The following ATP13A4 variants were observed in gnomAD, a reference collection of about 807,000 sequenced individuals.
ATP13A4 encodes the protein probable cation-transporting ATPase 13A4.
A neutral mutation model predicts 142.5 loss-of-function variants in ATP13A4; 114 were observed. The observed-to-expected ratio is 0.80, with a 90% CI of 0.69 to 0.93. The LOEUF (loss-of-function observed/expected upper bound fraction) is 0.93, where lower values mean the gene tolerates loss of function less well. Among genes scored for constraint, ATP13A4 ranks in the 40% least tolerant of loss-of-function variants. The pLI is 0.00. For missense variants in ATP13A4, 1,392 were observed against 1,454.0 expected (o/e 0.96, Z 0.69); for synonymous variants, 488 against 514.8 (o/e 0.95, Z 0.70).
chr3:193,551,468 T>C (rs1416940298), intron 1 of ATP13A4, among the ~76,000 whole-genome samples: 1 of 152,108 alleles, frequency 6.6e-6, no homozygotes, highest in Non-Finnish European at 1.5e-5. Context: ...TGGCAAGAGA[T>C]GACCTCATTT....
At chr3:193,495,709 A>G (rs951283063) in intron 3 of ATP13A4, among the ~76,000 whole-genome samples, 2 of 152,182 alleles carry the variant, frequency 1.3e-5, no homozygotes, top group African/African-American at 2.4e-5. Context: ...TATTCAACAT[A>G]CTACGGGAAG....
chr3:193,527,021 A>G (rs1289777264), intron 1 of ATP13A4, among the ~76,000 whole-genome samples: 1 of 152,240 alleles, frequency 6.6e-6, no homozygotes, highest in East Asian at 1.9e-4. Flanking sequence ...TGTTGGTCAT[A>G]TGAGTCCTTG....
At chr3:193,576,079 T>G (rs1227930658) in intron 2 of ATP13A4, among the ~76,000 whole-genome samples, 1 of 151,966 alleles carries the variant, frequency 6.6e-6, no homozygotes, top group African/African-American at 2.4e-5. Context: ...AAGGAAGAAT[T>G]TTCCAGCCTA....
intron 3 of ATP13A4, among the ~76,000 whole-genome samples, chr3:193,496,793 A>AATAC (rs1255340727): frequency 6.9e-5 from 9 of 130,790 alleles, no homozygotes; most frequent in Admixed American, 2.5e-4. Context: ...TCTGTCTCAA[A>AATAC]ATACATAAAT....
At chr3:193,488,387 AGT>A (rs1719758199) in intron 7 of ATP13A4, among the ~76,000 whole-genome samples, 1 of 152,330 alleles carries the variant, frequency 6.6e-6, no homozygotes, top group African/African-American at 2.4e-5. Context: ...ATATGGTCCT[AGT>A]GGATGTATCT....
chr3:193,573,117 G>A (rs944528185), intron 2 of ATP13A4, among the ~76,000 whole-genome samples: 132 of 150,674 alleles, frequency 8.8e-4, no homozygotes, highest in African/African-American at 3.0e-3. Flanking sequence ...GCAGTGAGCC[G>A]AGATCACCGA....
intron 13 of ATP13A4, among the ~76,000 whole-genome samples, chr3:193,461,804 TG>T (rs1254479078): frequency 1.3e-5 from 2 of 150,088 alleles, no homozygotes; most frequent in East Asian, 3.9e-4. Context: ...GAGTTCGTAG[TG>T]AGTTGAAAAA....
chr3:193,409,168 A>G (rs1714647283), intron 28 of ATP13A4, among the ~76,000 whole-genome samples: 1 of 152,188 alleles, frequency 6.6e-6, no homozygotes, highest in African/African-American at 2.4e-5. Context: ...TAATTTATAA[A>G]TTTTTAAGTA....
intron 25 of ATP13A4, among the ~76,000 whole-genome samples, chr3:193,421,500 T>G (rs1319253540): frequency 6.7e-6 from 1 of 149,864 alleles, no homozygotes; most frequent in Non-Finnish European, 1.5e-5. Context: ...AAATATATGG[T>G]GAAATCCAGA....
chr3:193,402,838 C>G lies in ATP13A4; in HGVS notation c.3405G>C (p.Leu1135=). 1.9e-6 allele frequency: 3 copies of G among 1,614,046 alleles called. No homozygotes were observed. Among genetic ancestry groups the G allele is most frequent in the South Asian group, 1.1e-5 (1 of 91,080 alleles). The change falls in exon 30 of 30, where the codon CTG becomes CTC. Residue 1135 remains leucine (L), a synonymous_variant. Transcript: ENST00000342695. ...CGAAACATCTTTTAATCATCATCCA[C>G]AGGGCTCGATTTTCAATAACAGCCT... ...AEEAVIENRA[L]WMMIKRCFGY...
chr3:193,552,257 C>A (rs1293376889), intron 1 of ATP13A4, among the ~76,000 whole-genome samples: 5 of 152,224 alleles, frequency 3.3e-5, no homozygotes, highest in African/African-American at 1.2e-4. Context: ...CAGGCACGAG[C>A]CACCATGCCC....
Position 193,469,397 on chromosome 3 carries a change from G to C in ATP13A4, c.943+1462C>G, listed in dbSNP as rs550443642. Among the ~76,000 whole-genome samples, 5 of 152,260 alleles carry C rather than the reference G, an allele frequency of 3.3e-5. No homozygotes were observed. In the South Asian group the frequency reaches 1.0e-3, roughly 32 times the overall value. ...TGTCAGCACTTTGGGAGGCCCAGGA[G>C]GGTGGATCACTTGAGGTCAGGGGTT... is the stretch of plus-strand genomic sequence containing the variant. On this transcript the variant is annotated intron_variant, in intron 9 of 29. Transcript: ENST00000342695.
chr3:193,542,484 A>G (rs747022767), intron 1 of ATP13A4, among the ~76,000 whole-genome samples: 1 of 152,056 alleles, frequency 6.6e-6, no homozygotes, highest in Non-Finnish European at 1.5e-5. Flanking sequence ...TTTAAAATTT[A>G]TATGGTACCC....
upstream of ATP13A4, among the ~76,000 whole-genome samples, chr3:193,558,241 G>A (rs1413545150): frequency 6.6e-6 from 1 of 152,152 alleles, no homozygotes; most frequent in Non-Finnish European, 1.5e-5. Context: ...TTTCTCTTAG[G>A]AACATTGTTT....
chr3:193,584,785 C>T (rs1724636403), intron 1 of ATP13A4, among the ~76,000 whole-genome samples: 1 of 152,172 alleles, frequency 6.6e-6, no homozygotes, highest in African/African-American at 2.4e-5. Context: ...CACTTCCCAT[C>T]CTCCTCATGT....
intron 3 of ATP13A4, among the ~76,000 whole-genome samples, chr3:193,495,160 T>C (rs1720155914): frequency 6.6e-6 from 1 of 152,118 alleles, no homozygotes; most frequent in Non-Finnish European, 1.5e-5. Context: ...TGCTGAATTC[T>C]ACTAAACATT....
chr3:193,494,254 C>A (rs1408793088), intron 3 of ATP13A4, among the ~76,000 whole-genome samples: 2 of 151,952 alleles, frequency 1.3e-5, no homozygotes, highest in Non-Finnish European at 2.9e-5. Flanking sequence ...AATATCAAAT[C>A]TAAACTACAC....
intron 8 of ATP13A4, among the ~76,000 whole-genome samples, chr3:193,481,121 G>C (rs1343733163): frequency 6.6e-6 from 1 of 152,188 alleles, no homozygotes; most frequent in Non-Finnish European, 1.5e-5. Context: ...TGGAGATTCA[G>C]GGGAAAGGGT....
At chr3:193,465,769 G>C (rs917101706) in intron 11 of ATP13A4, among the ~76,000 whole-genome samples, 2 of 152,204 alleles carry the variant, frequency 1.3e-5, no homozygotes, top group African/African-American at 4.8e-5. Flanking sequence ...ATGGTATAAA[G>C]TGTGAGGAAA....
Sources: allele counts gnomAD v4.1 joint callset (sites outside exome capture counted in the v4.1 genomes callset), GRCh38; gene constraint gnomAD v4.1.1; transcripts MANE v1.5; gene names NCBI Gene and HGNC (gene_info 2026-07-23, HGNC 2026-07-21).